Variants in DLG2 observed in about 807,000 individuals in gnomAD.
DLG2 encodes the protein discs large MAGUK scaffold protein 2.
DLG2 carries 45 observed loss-of-function variants against 132.5 expected under a neutral mutation model. The ratio of observed to expected loss-of-function variants is 0.34; its 90% CI spans 0.27 to 0.44. DLG2 has a LOEUF of 0.44. Ranked by LOEUF, DLG2 falls within the 20% of genes least tolerant of loss-of-function variation. DLG2 has a pLI of 1.00. For missense variants in DLG2, 1,045 were observed against 1,196.9 expected (o/e 0.87, Z 1.87); for synonymous variants, 424 against 419.6 (o/e 1.01, Z -0.13).
At chr11:83,493,460 A>G (rs1191992637) in intron 21 of DLG2, among the ~76,000 whole-genome samples, 1 of 150,214 alleles carries the variant, frequency 6.7e-6, no homozygotes, top group Non-Finnish European at 1.5e-5. Context: ...TGTTTTCCCC[A>G]TGGAAATGTA....
chr11:84,519,252 T>C (rs2099285914), intron 7 of DLG2, among the ~76,000 whole-genome samples: 1 of 152,202 alleles, frequency 6.6e-6, no homozygotes, highest in African/African-American at 2.4e-5. Context: ...GATATTTCTA[T>C]GAAGAGTCTA....
intron 6 of DLG2, among the ~76,000 whole-genome samples, chr11:84,784,720 T>C (rs1202624937): frequency 6.6e-6 from 1 of 152,110 alleles, no homozygotes; most frequent in Admixed American, 6.5e-5. Context: ...TTCTTGGTTT[T>C]CCAATTTAAA....
intron 7 of DLG2, among the ~76,000 whole-genome samples, chr11:84,269,954 T>C (rs915004693): frequency 9.2e-5 from 14 of 152,204 alleles, no homozygotes; most frequent in African/African-American, 3.1e-4. Flanking sequence ...TTTTGGGCAC[T>C]TGTCCTGTCT....
intron 3 of DLG2, among the ~76,000 whole-genome samples, chr11:85,458,929 C>A (rs1597494692): frequency 6.6e-6 from 1 of 152,260 alleles, no homozygotes; most frequent in African/African-American, 2.4e-5. Context: ...TGGCAGAGAG[C>A]CTTTCACTTG....
At chr11:84,650,772 G>C (rs2099680559) in intron 6 of DLG2, among the ~76,000 whole-genome samples, 2 of 149,564 alleles carry the variant, frequency 1.3e-5, no homozygotes, top group African/African-American at 4.9e-5. Flanking sequence ...GTATTTAAGA[G>C]ATGAACTATA....
At chr11:84,855,300 G>T (rs1158455179) in intron 6 of DLG2, among the ~76,000 whole-genome samples, 1 of 152,156 alleles carries the variant, frequency 6.6e-6, no homozygotes, top group Admixed American at 6.6e-5. Flanking sequence ...CATGAGCAAG[G>T]TTTTGGTATC....
rs537838186 is a variant in DLG2 at position 85,279,722 on chromosome 11, C to CA, written c.186+5497dup. Among the ~76,000 whole-genome samples the CA allele has an allele frequency of 2.2e-3, 326 of 145,606 alleles. 2 individuals carry two copies. Among genetic ancestry groups the CA allele is most frequent in the South Asian group, 1.0e-2 (46 of 4,622 alleles). On this transcript the variant is annotated intron_variant, in intron 4 of 27. Transcript: ENST00000376104. The stretch of plus-strand genomic sequence containing the variant: ...AAACAAAAAATAAACAAGCAAACAG[C>CA]AAAAAAAAAAATTGTTTTTATTTAA...
chr11:85,501,891 C>A (rs2153130289), intron 3 of DLG2, among the ~76,000 whole-genome samples: 1 of 152,142 alleles, frequency 6.6e-6, no homozygotes. Context: ...CTAGAAATAC[C>A]ATTTGACCCA....
chr11:84,036,362 G>T (rs1161977341), intron 11 of DLG2, among the ~76,000 whole-genome samples: 3 of 152,072 alleles, frequency 2.0e-5, no homozygotes, highest in Non-Finnish European at 4.4e-5. Context: ...ATGAAATGTT[G>T]TTGCTAGGGC....
At chr11:84,015,901 A>T (rs2095154850) in intron 11 of DLG2, among the ~76,000 whole-genome samples, 1 of 152,172 alleles carries the variant, frequency 6.6e-6, no homozygotes, top group East Asian at 1.9e-4. Flanking sequence ...GTATATATTC[A>T]GTAATGGGAT....
At chr11:83,617,474 C>A (rs984629683) in intron 19 of DLG2, among the ~76,000 whole-genome samples, 2 of 152,056 alleles carry the variant, frequency 1.3e-5, no homozygotes, top group South Asian at 4.1e-4. Context: ...TTGATATTAA[C>A]CTTGTTATTT....
intron 18 of DLG2, among the ~76,000 whole-genome samples, chr11:83,666,136 A>G (rs994494711): frequency 6.6e-6 from 1 of 152,198 alleles, no homozygotes; most frequent in Non-Finnish European, 1.5e-5. Context: ...TCATTCCACC[A>G]CATGAGATCT....
At chr11:83,677,386 A>G (rs189784122) in intron 18 of DLG2, among the ~76,000 whole-genome samples, 6 of 152,302 alleles carry the variant, frequency 3.9e-5, no homozygotes, top group Admixed American at 2.0e-4. Flanking sequence ...TAATGTAGGC[A>G]TACTATGCGT....
intron 3 of DLG2, among the ~76,000 whole-genome samples, chr11:85,334,033 A>G (rs2081961690): frequency 6.6e-6 from 1 of 152,176 alleles, no homozygotes; most frequent in South Asian, 2.1e-4. Flanking sequence ...TACATCTGGT[A>G]GAATTCAGCT....
chr11:84,054,616 A>G (rs186980362), intron 11 of DLG2, among the ~76,000 whole-genome samples: 13 of 152,190 alleles, frequency 8.5e-5, no homozygotes, highest in Admixed American at 2.6e-4. Flanking sequence ...TAAATCACCA[A>G]TGAGATGATT....
intron 19 of DLG2, among the ~76,000 whole-genome samples, chr11:83,626,514 G>A (rs923549551): frequency 6.6e-6 from 1 of 152,118 alleles, no homozygotes; most frequent in East Asian, 1.9e-4. Flanking sequence ...GTTAAACGAG[G>A]GGCAAGAAGC....
intron 3 of DLG2, among the ~76,000 whole-genome samples, chr11:85,335,886 T>C (rs2082091632): frequency 6.6e-6 from 1 of 152,124 alleles, no homozygotes; most frequent in Non-Finnish European, 1.5e-5. Flanking sequence ...ATGGTATGTG[T>C]ACACCTATGT....
At chr11:85,417,081 G>A (rs868800976) in intron 3 of DLG2, among the ~76,000 whole-genome samples, 1 of 152,110 alleles carries the variant, frequency 6.6e-6, no homozygotes, top group African/African-American at 2.4e-5. Flanking sequence ...CTGTGAGTTT[G>A]TCATAAATAG....
chr11:84,502,219 C>T (rs184444731), intron 7 of DLG2, among the ~76,000 whole-genome samples: 186 of 4,504 alleles, frequency 0.041, 10 homozygotes, highest in Middle Eastern at 0.25. Context: ...TCCTTCCTTC[C>T]TTCCTTCCTT....
Sources: gnomAD v4.1 joint callset for allele counts (sites outside exome capture counted in the v4.1 genomes callset) on GRCh38, gnomAD v4.1.1 for gene constraint, MANE v1.5 for transcripts, NCBI Gene and HGNC (gene_info 2026-07-23, HGNC 2026-07-21) for gene names.